Variants in BASP1 observed in about 807,000 individuals in gnomAD.
The protein encoded by BASP1 is brain abundant membrane attached signal protein 1.
Under a neutral mutation model 2.2 loss-of-function variants are expected in BASP1, and 1 was observed. That is an observed-to-expected ratio of 0.46 (90% CI 0.16 to 2.17). The LOEUF (loss-of-function observed/expected upper bound fraction) is 2.17, where lower values mean the gene tolerates loss of function less well. Ranked by LOEUF, BASP1 falls within the 30% of genes most tolerant of loss-of-function variation. The probability of loss-of-function intolerance (pLI) is 0.27; values close to 1 mark genes in which losing one functional copy is unlikely to be tolerated. For missense variants in BASP1, 352 were observed against 327.2 expected, an observed-to-expected ratio of 1.08 and a Z score of -0.58; for synonymous variants, 187 against 154.2, an observed-to-expected ratio of 1.21 and a Z score of -1.58.
intron 1 of BASP1, among the ~76,000 whole-genome samples, chr5:17,274,281 G>C (rs1221220453): frequency 1.3e-5 from 2 of 152,096 alleles, no homozygotes; most frequent in Non-Finnish European, 2.9e-5. Flanking sequence ...ATGAATTTAT[G>C]TCAGACACAG....
At chr5:17,226,291 T>C (rs1407799362) in intron 1 of BASP1, among the ~76,000 whole-genome samples, 1 of 152,280 alleles carries the variant, frequency 6.6e-6, no homozygotes, top group African/African-American at 2.4e-5. Context: ...TTTTTAAGTT[T>C]ATGAAGAAAT....
intron 1 of BASP1, among the ~76,000 whole-genome samples, chr5:17,261,154 T>C (rs1314016039): frequency 2.0e-5 from 3 of 152,256 alleles, no homozygotes; most frequent in Non-Finnish European, 2.9e-5. Context: ...AAGAAGTTCT[T>C]AAGAATTAAG....
chr5:17,250,588 GTTTATT>G (rs1315670129), intron 1 of BASP1, among the ~76,000 whole-genome samples: 1 of 152,010 alleles, frequency 6.6e-6, no homozygotes, highest in Non-Finnish European at 1.5e-5. Context: ...ATGTATTGAA[GTTTATT>G]TTTATTTTTA....
chr5:17,217,435 G>A (rs1249285449), upstream of BASP1: 1 of 105,210 alleles, frequency 9.5e-6, no homozygotes, highest in African/African-American at 4.0e-5. Context: ...GGAGTGCAGG[G>A]GGTGGGGAGA....
rs773694106 is a variant in BASP1, at chr5:17,275,300, C to A, written c.84C>A (p.Gly28=). ...AGGAGAAAGACAAGAAGGCCGAGGG[C>A]GCGGCGACGGAAGAGGAGGGGACCC... ...KAKEKDKKAE[G]AATEEEGTPK... is the part of the protein sequence containing the mutation. The change falls in exon 2 of 2, where the codon GGC becomes GGA. Residue 28 remains glycine (G), a synonymous_variant. Transcript: ENST00000322611. The surrounding 1 kb of genome is among the most constrained non-coding windows in gnomAD (Gnocchi z 5.3). 1.2e-6 allele frequency: 2 copies of A among 1,613,886 alleles called. No homozygotes were observed. The highest frequency in any genetic ancestry group is 1.7e-6 in the Non-Finnish European group (2 of 1,179,964).
chr5:17,275,944 CCTCTCTCTCTCTCT>C lies in BASP1; in HGVS notation c.*57_*70del, dbSNP rs59080603. The C allele has an allele frequency of 2.0e-4, 212 of 1,084,320 alleles. No individual in the cohort carries two copies. The highest frequency in any genetic ancestry group is 2.4e-4 in the Non-Finnish European group (190 of 796,756). The allele number at this position is 1,084,320 out of a possible 1,614,324, so 67.2% of individuals were successfully genotyped here. On this transcript the variant is annotated 3_prime_UTR_variant, in exon 2 of 2. Coordinates refer to ENST00000322611, the MANE Select transcript of BASP1 (RefSeq NM_006317.5). The surrounding 1 kb of genome is among the most constrained non-coding windows in gnomAD (Gnocchi z 5.3). ...AAAACAATACCACTTAAAACAATCT[CCTCTCTCTCTCTCT>C]CTCTCTCTCTCTATCTCTCTCTCTA...
Position 17,275,323 on chromosome 5 carries a change from C to A in BASP1, c.107C>A (p.Thr36Asn). 2 of 1,612,274 alleles carry A rather than the reference C, an allele frequency of 1.2e-6. No homozygotes were observed. Among genetic ancestry groups the A allele is most frequent in the South Asian group, 2.2e-5 (2 of 90,992 alleles). ...AEGAATEEEG[T>N]PKESEPQAAA... is the part of the protein sequence containing the mutation. ...GGCGCGGCGACGGAAGAGGAGGGGA[C>A]CCCGAAGGAGAGTGAGCCCCAGGCG... is the stretch of plus-strand genomic sequence containing the variant. Residue 36 changes from threonine to asparagine, a missense_variant, in exon 2 of 2, where the codon ACC (threonine) becomes AAC (asparagine). Coordinates refer to ENST00000322611, the MANE Select transcript of BASP1 (RefSeq NM_006317.5). This position sits in a 1 kb window ranked among gnomAD's most constrained non-coding sequence, Gnocchi z 5.3.
chr5:17,239,360 G>A lies in BASP1; in HGVS notation c.-10+21550G>A, dbSNP rs535234308. Among the ~76,000 whole-genome samples, 180 of 152,108 alleles carry A rather than the reference G, an allele frequency of 1.2e-3. No individual in the cohort carries two copies. The South Asian group carries it at 0.014, about 12-fold the overall frequency. ...CGCCCGCCTCAGCCTCCCAAAGTGCGGGGATTACAGGTGTGAGCCACTGCA... is the reference window on the plus strand; with the variant it reads ...CGCCCGCCTCAGCCTCCCAAAGTGCAGGGATTACAGGTGTGAGCCACTGCA... On this transcript the variant is annotated intron_variant, in intron 1 of 1. Transcript: ENST00000322611.
chr5:17,274,786 A>G (rs1740594032), intron 1 of BASP1, among the ~76,000 whole-genome samples: 1 of 152,238 alleles, frequency 6.6e-6, no homozygotes, highest in Admixed American at 6.5e-5. Flanking sequence ...ATTATTGCAG[A>G]ACTCACTTAA....
At chr5:17,221,987 A>G (rs1739401854) in intron 1 of BASP1, among the ~76,000 whole-genome samples, 3 of 152,044 alleles carry the variant, frequency 2.0e-5, no homozygotes, top group African/African-American at 7.2e-5. Flanking sequence ...TCAACCTCTC[A>G]GTCTCAATTA....
At chr5:17,231,931 C>T (rs1024535333) in intron 1 of BASP1, among the ~76,000 whole-genome samples, 2 of 152,160 alleles carry the variant, frequency 1.3e-5, no homozygotes, top group African/African-American at 4.8e-5. Flanking sequence ...TTCTGAACAT[C>T]GCCTTTGGCA....
rs375482988 is a variant in BASP1, at chr5:17,229,724, A to G, written c.-10+11914A>G. 3.3e-5 allele frequency among the ~76,000 whole-genome samples: 5 copies of G among 152,218 alleles called. No homozygotes were observed. The East Asian group carries it at 9.7e-4, about 29-fold the overall frequency. The stretch of plus-strand genomic sequence containing the variant: ...TAACAGATGGGATAACTTAACAAAA[A>G]TATATTTTTTCATAGTTCTGCAGGC... On this transcript the variant is annotated intron_variant, in intron 1 of 1. Coordinates refer to ENST00000322611, the MANE Select transcript of BASP1 (RefSeq NM_006317.5).
chr5:17,237,260 C>T (rs542467617), intron 1 of BASP1, among the ~76,000 whole-genome samples: 1 of 152,062 alleles, frequency 6.6e-6, no homozygotes, highest in Non-Finnish European at 1.5e-5. Context: ...AGGAGAATGG[C>T]GTGAACCCGG....
chr5:17,234,771 ACAG>A (rs1370300252), intron 1 of BASP1, among the ~76,000 whole-genome samples: 3 of 152,208 alleles, frequency 2.0e-5, no homozygotes, highest in Non-Finnish European at 2.9e-5. Flanking sequence ...AGAGATATAA[ACAG>A]CAGATAGTCA....
intron 1 of BASP1, among the ~76,000 whole-genome samples, chr5:17,248,981 G>C (rs919439532): frequency 6.6e-6 from 1 of 152,178 alleles, no homozygotes; most frequent in Non-Finnish European, 1.5e-5. Flanking sequence ...CCAATTAACT[G>C]TAGTTTGCAA....
chr5:17,223,370 C>T (rs961809647), intron 1 of BASP1, among the ~76,000 whole-genome samples: 22 of 152,142 alleles, frequency 1.4e-4, no homozygotes, highest in Non-Finnish European at 5.9e-5. Flanking sequence ...ATATTCAGTG[C>T]ATCTTTTTAA....
intron 1 of BASP1, among the ~76,000 whole-genome samples, chr5:17,266,609 C>A (rs1027444144): frequency 7.9e-5 from 12 of 151,390 alleles, no homozygotes; most frequent in Non-Finnish European, 1.5e-4. Flanking sequence ...GAGTTTGAGA[C>A]TAGCTTGGCC....
chr5:17,260,953 A>G lies in BASP1; in HGVS notation c.-9-14255A>G, dbSNP rs759454198. On this transcript the variant is annotated intron_variant, in intron 1 of 1. Transcript: ENST00000322611. This position sits in a 1 kb window ranked among gnomAD's most constrained non-coding sequence, Gnocchi z 4.2. ...CACTTTGGGAGACCAGGGTGGGAGG[A>G]TTGATTGCTTGAGCTCAGGAGTTAA... Among the ~76,000 whole-genome samples the G allele has an allele frequency of 5.3e-5, 8 of 152,180 alleles. No individual in the cohort carries two copies. The highest frequency in any genetic ancestry group is 2.1e-4 in the South Asian group (1 of 4,828).
At chr5:17,238,155 T>G (rs988777472) in intron 1 of BASP1, among the ~76,000 whole-genome samples, 2 of 152,138 alleles carry the variant, frequency 1.3e-5, no homozygotes, top group African/African-American at 2.4e-5. Context: ...TTTTTCTATT[T>G]AAACTACCCT....
Sources: allele counts gnomAD v4.1 joint callset (sites outside exome capture counted in the v4.1 genomes callset), GRCh38; gene constraint gnomAD v4.1.1; non-coding constraint Gnocchi (gnomAD v3.1); transcripts MANE v1.5; gene names NCBI Gene and HGNC (gene_info 2026-07-23, HGNC 2026-07-21).